The following RNASET2 variants were observed in gnomAD, a reference collection of about 807,000 sequenced individuals.
RNASET2 encodes ribonuclease 6.
In RNASET2, 28 loss-of-function variants were observed where a neutral mutation model predicts 33.9. The observed-to-expected ratio is 0.83, with a 90% CI of 0.61 to 1.13. RNASET2 has a LOEUF of 1.13. Among genes scored for constraint, RNASET2 ranks in the 50% most tolerant of loss-of-function variants. The probability of loss-of-function intolerance (pLI) is 0.00; values close to 1 mark genes in which losing one functional copy is unlikely to be tolerated. For missense variants in RNASET2, 330 were observed against 319.9 expected (o/e 1.03, Z -0.24); for synonymous variants, 123 against 121.0 (o/e 1.02, Z -0.11).
chr6:166,955,221 G>GCACACACGCACGCA (rs1160982253), intron 1 of RNASET2, among the ~76,000 whole-genome samples: 1 of 93,996 alleles, frequency 1.1e-5, no homozygotes, highest in Non-Finnish European at 2.1e-5. Context: ...ACGCACACAC[G>GCACACACGCACGCA]CGCACACACG....
rs1048706667 is a variant in RNASET2 at position 166,927,574 on chromosome 6, C to G, written c.*2014G>C. Among the ~76,000 whole-genome samples the G allele has an allele frequency of 5.9e-5, 9 of 152,064 alleles. No individual in the cohort carries two copies. The highest frequency in any genetic ancestry group is 1.9e-4 in the African/African-American group (8 of 41,378). On this transcript the variant is annotated 3_prime_UTR_variant, in exon 9 of 9. Transcript: ENST00000508775. ...AAGGCCAGCCGACTGCAGACAGCCTCTGAAGAGCTGCTTTCCTTGACCCCC... is the reference window on the plus strand; with the variant it reads ...AAGGCCAGCCGACTGCAGACAGCCTGTGAAGAGCTGCTTTCCTTGACCCCC...
chr6:166,939,810 C>T (rs934564583), intron 5 of RNASET2, among the ~76,000 whole-genome samples: 1 of 152,176 alleles, frequency 6.6e-6, no homozygotes, highest in African/African-American at 2.4e-5. Flanking sequence ...AACTGAATAG[C>T]CTATAACTAA....
intron 2 of RNASET2, among the ~76,000 whole-genome samples, chr6:166,951,165 C>T (rs553247332): frequency 2.2e-4 from 34 of 152,112 alleles, no homozygotes; most frequent in Admixed American, 5.2e-4. Flanking sequence ...TGTATGGCAG[C>T]GGAGGCGGAG....
intron 5 of RNASET2, among the ~76,000 whole-genome samples, chr6:166,942,277 T>G (rs1210443841): frequency 6.6e-6 from 1 of 152,164 alleles, no homozygotes; most frequent in Non-Finnish European, 1.5e-5. Context: ...GGTCTCGAAC[T>G]CCTGACCTCA....
intron 2 of RNASET2, among the ~76,000 whole-genome samples, chr6:166,950,325 C>T (rs531912242): frequency 6.6e-6 from 1 of 152,344 alleles, no homozygotes; most frequent in South Asian, 2.1e-4. Flanking sequence ...CTCCTTCTGT[C>T]CACTGCCCCA....
rs1407275969 is a variant in RNASET2, at chr6:166,929,642, T to C, written c.717A>G (p.Arg239=). 6.2e-7 allele frequency: 1 copy of C among 1,614,012 alleles called. No individual in the cohort carries two copies. Among genetic ancestry groups the C allele is most frequent in the Non-Finnish European group, 8.5e-7 (1 of 1,180,038 alleles). Residue 239 remains arginine (R), a synonymous_variant, in exon 9 of 9, where the codon AGA becomes AGG. Coordinates refer to ENST00000508775, the MANE Select transcript of RNASET2 (RefSeq NM_003730.6). ...AGAAGACTGGGCCATCTTCACAGACTCTCAGACCCCGGCTCTCGGCGGCCC... is the reference window on the plus strand; with the variant it reads ...AGAAGACTGGGCCATCTTCACAGACCCTCAGACCCCGGCTCTCGGCGGCCC... ...ANGAAESRGL[R]VCEDGPVFYP...
chr6:166,936,350 C>CGTGTGTGTGTGT (rs56962763), intron 6 of RNASET2, among the ~76,000 whole-genome samples: 55 of 149,486 alleles, frequency 3.7e-4, no homozygotes, highest in African/African-American at 1.3e-3. Context: ...TTGCATGTGT[C>CGTGTGTGTGTGT]GTGTGTGTGT....
chr6:166,943,907 G>A (rs1423282241), intron 4 of RNASET2: 2 of 322,840 alleles, frequency 6.2e-6, no homozygotes, highest in Admixed American at 4.1e-5. Context: ...GGATCACGAG[G>A]TCAGGAGATC....
At position 166,922,883 on chromosome 6, in the gene RNASET2, G is replaced by A. The variant is rs553853693; in HGVS notation, c.*6705C>T. 3.3e-5 allele frequency among the ~76,000 whole-genome samples: 5 copies of A among 152,220 alleles called. No homozygotes were observed. Among genetic ancestry groups the A allele is most frequent in the Middle Eastern group, 3.2e-3 (1 of 316 alleles). ...CCAACCACCAAAGCTGTACACGCCA[G>A]GTTCAATGTCTTTGCTGGTAAAAAT... On this transcript the variant is annotated 3_prime_UTR_variant, in exon 9 of 9. Transcript: ENST00000508775.
intron 8 of RNASET2, among the ~76,000 whole-genome samples, chr6:166,930,603 T>TGCATGTACATGCACACAC (rs1295647220): frequency 1.0e-4 from 15 of 143,546 alleles, no homozygotes; most frequent in African/African-American, 3.7e-4. Context: ...CATGCACACA[T>TGCATGTACATGCACACAC]GCATGTACAT....
chr6:166,949,199 CAAAAAAAAAA>C (rs1169530046), intron 2 of RNASET2, among the ~76,000 whole-genome samples: 1 of 52,328 alleles, frequency 1.9e-5, no homozygotes, highest in Non-Finnish European at 3.4e-5. Flanking sequence ...ACCGTGTCTC[CAAAAAAAAAA>C]AAAAAAAAAA....
chr6:166,925,045 C>T lies in RNASET2; in HGVS notation c.*4543G>A, dbSNP rs144896408. 4.6e-3 allele frequency among the ~76,000 whole-genome samples: 702 copies of T among 151,980 alleles called. 2 individuals are homozygous for T. Among genetic ancestry groups the T allele is most frequent in the Middle Eastern group, 6.8e-3 (2 of 294 alleles). On this transcript the variant is annotated 3_prime_UTR_variant, in exon 9 of 9. Transcript: ENST00000508775. ...CACCCACAGTGTCCAGACCTCACTT[C>T]TCCCACCCAGGCCTCTACCCAGTCA...
At chr6:166,955,290 GCACAGACGCGCACACACGACACA>G (rs1779109166) in intron 1 of RNASET2, among the ~76,000 whole-genome samples, 16 of 68,508 alleles carry the variant, frequency 2.3e-4, no homozygotes, top group African/African-American at 1.3e-3. Flanking sequence ...CGACACACAC[GCACAGACGCGCACACACGACACA>G]CACGCACACA....
At chr6:166,947,336 T>A (rs546495132) in intron 3 of RNASET2, among the ~76,000 whole-genome samples, 83 of 152,312 alleles carry the variant, frequency 5.4e-4, no homozygotes, top group African/African-American at 1.9e-3. Context: ...TCTGGACTTA[T>A]CAACTCTGAC....
Position 166,938,608 on chromosome 6 carries a change from T to C in RNASET2, c.446+287A>G, listed in dbSNP as rs376739160. On this transcript the variant is annotated intron_variant, in intron 6 of 8. Coordinates refer to ENST00000508775, the MANE Select transcript of RNASET2 (RefSeq NM_003730.6). ...CATGGCTGAGAACGGCACATGCTGG[T>C]TGGAGTCCTCGTTTTCCCTATGGCC... is the stretch of plus-strand genomic sequence containing the variant. 1.4e-4 allele frequency: 95 copies of C among 675,652 alleles called. No individual in the cohort carries two copies. In the African/African-American group the frequency reaches 1.6e-3, roughly 11 times the overall value. The allele number at this position is 675,652 out of a possible 1,614,324, so 41.9% of individuals were successfully genotyped here.
intron 6 of RNASET2, among the ~76,000 whole-genome samples, chr6:166,935,476 C>T (rs986175431): frequency 3.9e-5 from 6 of 152,114 alleles, no homozygotes; most frequent in South Asian, 2.1e-4. Context: ...AAATGCAGCA[C>T]CTAACCCAGC....
chr6:166,943,375 T>C (rs1778740250), intron 4 of RNASET2: 2 of 370,796 alleles, frequency 5.4e-6, no homozygotes, highest in East Asian at 6.8e-5. Context: ...CAAAAACCAA[T>C]GAGCCGTCGA....
At chr6:166,953,793 T>C (rs1483222486) in intron 1 of RNASET2, among the ~76,000 whole-genome samples, 1 of 150,486 alleles carries the variant, frequency 6.6e-6, no homozygotes, top group Non-Finnish European at 1.5e-5. Flanking sequence ...GGCAAGAGGA[T>C]AGCTTAAGCC....
chr6:166,955,411 GCACA>G (rs748531821), intron 1 of RNASET2: 63 of 517,572 alleles, frequency 1.2e-4, no homozygotes, highest in South Asian at 5.4e-4. Flanking sequence ...ACACACACGC[GCACA>G]CACACACACA....
Sources: allele counts gnomAD v4.1 joint callset (sites outside exome capture counted in the v4.1 genomes callset), GRCh38; gene constraint gnomAD v4.1.1; transcripts MANE v1.5; gene names NCBI Gene and HGNC (gene_info 2026-07-23, HGNC 2026-07-21).